The following PGM2L1 variants were observed in gnomAD, a reference collection of about 807,000 sequenced individuals.
PGM2L1 encodes the protein phosphoglucomutase 2 like 1.
In PGM2L1, 35 loss-of-function variants were observed where a neutral mutation model predicts 73.4. That is an observed-to-expected ratio of 0.48 (90% CI 0.36 to 0.63). The LOEUF is 0.63. Among genes scored for constraint, PGM2L1 ranks in the 30% least tolerant of loss-of-function variants. PGM2L1 has a pLI of 0.00. For synonymous variants in PGM2L1, 225 were observed against 253.8 expected (o/e 0.89, Z 1.08); for missense variants, 570 against 742.0 (o/e 0.77, Z 2.69).
chr11:74,340,753 T>C (rs1207732986), intron 12 of PGM2L1, among the ~76,000 whole-genome samples: 1 of 151,952 alleles, frequency 6.6e-6, no homozygotes, highest in Non-Finnish European at 1.5e-5. Context: ...AAAACAGTAA[T>C]AGGAGGAAGG....
In PGM2L1 at chr11:74,333,394, TAGCA is replaced by T. The variant is rs1862043091; in HGVS notation, c.*3254_*3257del. 6.6e-6 allele frequency: 1 copy of T among 152,182 alleles called. No homozygotes were observed. Among genetic ancestry groups the T allele is most frequent in the Admixed American group, 6.5e-5 (1 of 15,282 alleles). The allele number at this position is 152,182 out of a possible 1,614,324, so 9.4% of individuals were successfully genotyped here. A position where few individuals can be genotyped will look rare whatever the true frequency, so the allele number is the denominator to read the frequency against. On this transcript the variant is annotated 3_prime_UTR_variant, in exon 14 of 14. Coordinates refer to ENST00000298198, the MANE Select transcript of PGM2L1 (RefSeq NM_173582.6). Reference sequence around the variant, plus strand: ...CTCAATAAAGCTTTATTAGCAAACTTAGCAAACTATCTCAACAGCTTTCTCCTCT... The same window carrying T: ...CTCAATAAAGCTTTATTAGCAAACTTAACTATCTCAACAGCTTTCTCCTCT...
At chr11:74,372,919 C>T (rs1469640290) in intron 2 of PGM2L1, among the ~76,000 whole-genome samples, 1 of 152,154 alleles carries the variant, frequency 6.6e-6, no homozygotes, top group East Asian at 1.9e-4. Context: ...CATGGTGATA[C>T]TATCCTAAAA....
chr11:74,386,997 T>A (rs990272837), intron 1 of PGM2L1, among the ~76,000 whole-genome samples: 22 of 152,196 alleles, frequency 1.4e-4, no homozygotes, highest in African/African-American at 5.3e-4. Flanking sequence ...TTTAACGAAA[T>A]GGGAACTATC....
At chr11:74,344,564 C>A (rs1214268008) in intron 9 of PGM2L1, among the ~76,000 whole-genome samples, 4 of 152,144 alleles carry the variant, frequency 2.6e-5, no homozygotes, top group Non-Finnish European at 5.9e-5. Context: ...TCCTAATTCA[C>A]CTTTCTACCT....
intron 1 of PGM2L1, among the ~76,000 whole-genome samples, chr11:74,383,824 A>AATATAAATATATATATATATATATATAT (rs1555102284): frequency 8.2e-6 from 1 of 121,836 alleles, no homozygotes; most frequent in African/African-American, 3.5e-5. Context: ...TATATAAATA[A>AATATAAATATATATATATATATATATAT]ATATATATAT....
chr11:74,343,459 C>T, intron 9 of PGM2L1, 43 bp from the exon 10 acceptor site: 1 of 1,591,720 alleles, frequency 6.3e-7, no homozygotes, highest in South Asian at 1.2e-5. Context: ...GACTGTCTCA[C>T]AAATACCTAT....
chr11:74,398,141 C>T lies in PGM2L1; in HGVS notation c.21G>A (p.Gly7=). ...CGTGGAGCAGGTTGGAGTTCAGATC[C>T]CCCTCTGTGTTTTCAGCCATGGCGA... The part of the protein sequence containing the change: MAENTE[G]DLNSNLLHAP... Residue 7 remains glycine (G), a synonymous_variant, in exon 1 of 14, where the codon GGG becomes GGA. Transcript: ENST00000298198. 6.2e-6 allele frequency: 10 copies of T among 1,612,266 alleles called. No homozygotes were observed. The highest frequency in any genetic ancestry group is 1.1e-5 in the South Asian group (1 of 90,854).
chr11:74,354,154 G>A (rs1017823613), intron 5 of PGM2L1, among the ~76,000 whole-genome samples: 1 of 151,982 alleles, frequency 6.6e-6, no homozygotes, highest in Non-Finnish European at 1.5e-5. Flanking sequence ...TGACATCATG[G>A]AGTGACAGAA....
At chr11:74,370,790 C>T in intron 4 of PGM2L1, 112 bp downstream of exon 4, 1 of 792,404 alleles carries the variant, frequency 1.3e-6, no homozygotes, top group South Asian at 3.0e-5. Context: ...CCATTGGTCC[C>T]TTATATTACT....
At chr11:74,343,908 A>T (rs965550826) in intron 9 of PGM2L1, among the ~76,000 whole-genome samples, 4 of 150,654 alleles carry the variant, frequency 2.7e-5, no homozygotes, top group Non-Finnish European at 5.9e-5. Flanking sequence ...CCTCCTAAGT[A>T]GCTAGGATTA....
At chr11:74,387,798 A>G (rs996098724) in intron 1 of PGM2L1, among the ~76,000 whole-genome samples, 1 of 152,188 alleles carries the variant, frequency 6.6e-6, no homozygotes, top group Non-Finnish European at 1.5e-5. Context: ...TTTATTATGA[A>G]TTACAGTAAC....
At chr11:74,396,206 T>A (rs569818968) in intron 1 of PGM2L1, among the ~76,000 whole-genome samples, 2 of 149,838 alleles carry the variant, frequency 1.3e-5, no homozygotes, top group Admixed American at 1.3e-4. Context: ...CTGCAGTGAG[T>A]GCAGTGAGCG....
rs1447933027 is a variant in PGM2L1 at position 74,368,489 on chromosome 11, TACC to T, written c.555_555+2del. 6 of 1,607,898 alleles carry T rather than the reference TACC, an allele frequency of 3.7e-6. No individual in the cohort carries two copies. The African/African-American group carries it at 4.0e-5, about 11-fold the overall frequency. ...AAGCAAAGGTCAGGAGTCCAAGGTT[TACC>T]TTGTATCCATTGTCTTCCTTGCGGT... On this transcript the variant is annotated splice_donor_variant and coding_sequence_variant, in exon 5 of 14. Transcript: ENST00000298198. LOFTEE classifies it high-confidence loss of function.
intron 5 of PGM2L1, among the ~76,000 whole-genome samples, chr11:74,353,637 G>A (rs529780340): frequency 5.9e-5 from 9 of 151,906 alleles, no homozygotes; most frequent in African/African-American, 1.7e-4. Flanking sequence ...ATGTTTCAGA[G>A]AGCAAGGGGC....
chr11:74,376,234 C>T lies in PGM2L1; in HGVS notation c.112-1652G>A, dbSNP rs73554614. ...ATTATTAATATTACTATTGTGTAGACGAAGAAACTAAGATTTAGAGAGGGA... is the reference window on the plus strand; with the variant it reads ...ATTATTAATATTACTATTGTGTAGATGAAGAAACTAAGATTTAGAGAGGGA... On this transcript the variant is annotated intron_variant, in intron 1 of 13. Coordinates refer to ENST00000298198, the MANE Select transcript of PGM2L1 (RefSeq NM_173582.6). 3.7e-3 allele frequency among the ~76,000 whole-genome samples: 560 copies of T among 151,672 alleles called. 4 individuals are homozygous for T. The highest frequency in any genetic ancestry group is 0.012 in the African/African-American group (515 of 41,330).
chr11:74,335,897 T>C lies in PGM2L1; in HGVS notation c.*755A>G, dbSNP rs1175203149. 6.5e-6 allele frequency: 1 copy of C among 152,674 alleles called. No homozygotes were observed. Among genetic ancestry groups the C allele is most frequent in the East Asian group, 1.9e-4 (1 of 5,204 alleles). The allele number at this position is 152,674 out of a possible 1,614,324, so 9.5% of individuals were successfully genotyped here. A position where few individuals can be genotyped will look rare whatever the true frequency, so the allele number is the denominator to read the frequency against. On this transcript the variant is annotated 3_prime_UTR_variant, in exon 14 of 14. Transcript: ENST00000298198. ...ATCTGCAAATTGACTGATTAAATTA[T>C]GGTAAATGCAGGAACACTGTTTTTT...
chr11:74,347,887 C>T (rs486758), intron 6 of PGM2L1, among the ~76,000 whole-genome samples: 109,824 of 152,062 alleles, frequency 0.72, 39,862 homozygotes, highest in East Asian at 0.81. Context: ...TCTGAATGGA[C>T]ACCCAATGCT....
intron 1 of PGM2L1, among the ~76,000 whole-genome samples, chr11:74,389,219 G>GCA (rs1297797127): frequency 6.6e-6 from 1 of 152,054 alleles, no homozygotes; most frequent in Non-Finnish European, 1.5e-5. Flanking sequence ...TGATCACACT[G>GCA]CACTCTAGCC....
intron 6 of PGM2L1, among the ~76,000 whole-genome samples, chr11:74,348,858 A>G (rs1862307203): frequency 6.6e-6 from 1 of 152,198 alleles, no homozygotes; most frequent in Non-Finnish European, 1.5e-5. Context: ...TAGAGGTAAC[A>G]TTAGATTCAG....
Sources: gnomAD v4.1 joint callset for allele counts (sites outside exome capture counted in the v4.1 genomes callset) on GRCh38, gnomAD v4.1.1 for gene constraint, MANE v1.5 for transcripts, NCBI Gene and HGNC (gene_info 2026-07-23, HGNC 2026-07-21) for gene names.